ASIC2: variants seen among roughly 807,000 people sequenced by gnomAD.
The protein encoded by ASIC2 is acid-sensing ion channel 2.
A neutral mutation model predicts 57.3 loss-of-function variants in ASIC2; 25 were observed. The ratio of observed to expected loss-of-function variants is 0.44; its 90% CI spans 0.32 to 0.61. The LOEUF is 0.61. ASIC2 is among the 20% of genes least tolerant of loss of function. The probability of loss-of-function intolerance (pLI) is 0.06; values close to 1 mark genes in which losing one functional copy is unlikely to be tolerated. For missense variants in ASIC2, 641 were observed against 738.1 expected, an observed-to-expected ratio of 0.87 and a Z score of 1.52; for synonymous variants, 319 against 307.5, an observed-to-expected ratio of 1.04 and a Z score of -0.39.
chr17:33,838,644 G>A (rs566333728), intron 1 of ASIC2, among the ~76,000 whole-genome samples: 5 of 152,136 alleles, frequency 3.3e-5, no homozygotes, highest in African/African-American at 1.2e-4. Context: ...TATTTTATTT[G>A]TGTGCCTCTG....
chr17:33,343,501 A>C (rs1312295911), intron 1 of ASIC2, among the ~76,000 whole-genome samples: 1 of 152,132 alleles, frequency 6.6e-6, no homozygotes, highest in African/African-American at 2.4e-5. Context: ...GCATGTGTCC[A>C]AATCTTACCT....
intron 1 of ASIC2, among the ~76,000 whole-genome samples, chr17:33,749,367 CTG>C (rs1053381205): frequency 6.6e-6 from 1 of 151,970 alleles, no homozygotes; most frequent in African/African-American, 2.4e-5. Context: ...GGCGTTCTCT[CTG>C]TGGAGCACAG....
At chr17:33,220,122 G>A (rs1050235860) in intron 1 of ASIC2, among the ~76,000 whole-genome samples, 1 of 152,132 alleles carries the variant, frequency 6.6e-6, no homozygotes, top group African/African-American at 2.4e-5. Flanking sequence ...GAAGAGACAC[G>A]AAGAAAACCC....
chr17:33,538,990 G>T (rs1192770659), intron 1 of ASIC2, among the ~76,000 whole-genome samples: 1 of 152,150 alleles, frequency 6.6e-6, no homozygotes, highest in Non-Finnish European at 1.5e-5. Flanking sequence ...CAAGTCTGTG[G>T]GTGGACTCAG....
At chr17:33,313,786 G>T (rs575372193) in intron 1 of ASIC2, among the ~76,000 whole-genome samples, 2 of 152,156 alleles carry the variant, frequency 1.3e-5, no homozygotes, top group South Asian at 2.1e-4. Flanking sequence ...TGGCGGAATC[G>T]AAGTAGAAAG....
At chr17:33,391,480 C>G (rs1909886565) in intron 1 of ASIC2, among the ~76,000 whole-genome samples, 1 of 152,226 alleles carries the variant, frequency 6.6e-6, no homozygotes, top group African/African-American at 2.4e-5. Context: ...TTAGTCCTCC[C>G]CCTGCACTAA....
chr17:33,392,168 TTTCTTCCTTCCTTCCTTCCTTCCTTCCC>T (rs1381599850), intron 1 of ASIC2, among the ~76,000 whole-genome samples: 2 of 137,156 alleles, frequency 1.5e-5, no homozygotes, highest in African/African-American at 5.6e-5. Context: ...TTTCTTTTCC[TTTCTTCCTTCCTTCCTTCCTTCCTTCCC>T]TCCTTCCTTC....
In ASIC2 at chr17:33,028,412, G is replaced by A. The variant is rs1325743612; in HGVS notation, c.988-20C>T. ...TGTGAGCTGCAAGACAGGAAGGAGG[G>A]GGCGGCAGTCAGCCTCAACAGACTC... On this transcript the variant is annotated intron_variant, in intron 3 of 9. Coordinates refer to ENST00000225823, the MANE Select transcript of ASIC2 (RefSeq NM_183377.2). 2.5e-6 allele frequency: 4 copies of A among 1,613,588 alleles called. No homozygotes were observed. Among genetic ancestry groups the A allele is most frequent in the Middle Eastern group, 1.7e-4 (1 of 6,006 alleles).
At chr17:33,145,303 C>T (rs1050578364) in intron 1 of ASIC2, among the ~76,000 whole-genome samples, 3 of 152,222 alleles carry the variant, frequency 2.0e-5, no homozygotes, top group Non-Finnish European at 4.4e-5. Flanking sequence ...TTTTGGCATT[C>T]TTGGCACCAC....
At chr17:33,857,655 C>T (rs536642426) in intron 1 of ASIC2, among the ~76,000 whole-genome samples, 5 of 152,226 alleles carry the variant, frequency 3.3e-5, no homozygotes, top group African/African-American at 4.8e-5. Flanking sequence ...ATGAACTGTT[C>T]GAGGCGCTGA....
intron 1 of ASIC2, among the ~76,000 whole-genome samples, chr17:33,526,849 C>G (rs1040891641): frequency 2.0e-5 from 3 of 152,178 alleles, no homozygotes; most frequent in Admixed American, 2.0e-4. Flanking sequence ...GATCTGATGT[C>G]CATGCAGGAA....
intron 1 of ASIC2, among the ~76,000 whole-genome samples, chr17:33,332,971 C>T (rs941582831): frequency 9.9e-5 from 15 of 152,174 alleles, no homozygotes; most frequent in Non-Finnish European, 2.1e-4. Flanking sequence ...GGCCTTCTCT[C>T]ATTGAATTTT....
chr17:33,282,684 A>T (rs1414681738), intron 1 of ASIC2, among the ~76,000 whole-genome samples: 1 of 152,152 alleles, frequency 6.6e-6, no homozygotes, highest in African/African-American at 2.4e-5. Flanking sequence ...CATGTTGGCC[A>T]GACTGGTCTT....
chr17:33,378,402 G>C (rs931751264), intron 1 of ASIC2, among the ~76,000 whole-genome samples: 1 of 152,148 alleles, frequency 6.6e-6, no homozygotes, highest in Admixed American at 6.5e-5. Context: ...AGCTGGTTCA[G>C]AGGGCTAGCA....
chr17:33,098,356 C>G (rs1160560968), intron 2 of ASIC2, among the ~76,000 whole-genome samples: 1 of 144,348 alleles, frequency 6.9e-6, no homozygotes, highest in African/African-American at 2.4e-5. Context: ...TCCAACCCTT[C>G]CCTGACAGAT....
chr17:34,003,167 G>A (rs368261240), intron 1 of ASIC2: 18 of 152,142 alleles, frequency 1.2e-4, no homozygotes, highest in East Asian at 7.7e-4. Context: ...ACGAGAAGTC[G>A]AGTCAATAAA....
At chr17:33,990,980 G>C (rs1465803969) in intron 1 of ASIC2, among the ~76,000 whole-genome samples, 1 of 152,202 alleles carries the variant, frequency 6.6e-6, no homozygotes, top group Non-Finnish European at 1.5e-5. Context: ...TTGCAGTAAA[G>C]AGAGTAGGGG....
In ASIC2 at chr17:33,812,520, T is replaced by A. The variant is rs542036071; in HGVS notation, c.555+343458A>T. ...TTGCTTCCAGGGTGGGGAGGATTAC[T>A]CAAGAATGAGAGTAAGATGCTCTGG... On this transcript the variant is annotated intron_variant, in intron 1 of 9. Transcript: ENST00000359872. 5.1e-4 allele frequency among the ~76,000 whole-genome samples: 77 copies of A among 152,144 alleles called. No individual in the cohort carries two copies. In the South Asian group the frequency reaches 0.015, roughly 30 times the overall value.
rs374470513 is a variant in ASIC2, at chr17:33,159,622, G to C, written c.709-47555C>G. ...AGGCCAGTTCCCTTTCTCAATGGAG[G>C]ACTTTGGGTCCTAACGAAAGTGCCT... On this transcript the variant is annotated intron_variant, in intron 1 of 9. Coordinates refer to ENST00000225823, the MANE Select transcript of ASIC2 (RefSeq NM_183377.2). 3.9e-4 allele frequency among the ~76,000 whole-genome samples: 59 copies of C among 152,324 alleles called. No homozygotes were observed. The South Asian group carries it at 4.8e-3, about 12-fold the overall frequency.
Sources: gnomAD v4.1 joint callset for allele counts (sites outside exome capture counted in the v4.1 genomes callset) on GRCh38, gnomAD v4.1.1 for gene constraint, MANE v1.5 for transcripts, NCBI Gene and HGNC (gene_info 2026-07-23, HGNC 2026-07-21) for gene names.